RTN4IP1: variants seen among roughly 807,000 people sequenced by gnomAD.
The protein encoded by RTN4IP1 is NAD(P)H oxidoreductase RTN4IP1, mitochondrial.
A neutral mutation model predicts 46.6 loss-of-function variants in RTN4IP1; 32 were observed. That is an observed-to-expected ratio of 0.69 (90% confidence interval 0.52 to 0.92). The LOEUF is 0.92. RTN4IP1 is among the 40% of genes least tolerant of loss of function. The probability of loss-of-function intolerance (pLI) is 0.00; values close to 1 mark genes in which losing one functional copy is unlikely to be tolerated. For missense variants in RTN4IP1, 424 were observed against 485.8 expected (o/e 0.87, Z 1.20); for synonymous variants, 167 against 161.8 (o/e 1.03, Z -0.24).
chr6:106,592,332 A>G, intron 5 of RTN4IP1, 32 bp from the exon 6 acceptor site: 1 of 1,603,852 alleles, frequency 6.2e-7, no homozygotes, highest in South Asian at 1.1e-5. Flanking sequence ...AAAAGAATAA[A>G]AAAGGGAGAG....
intron 4 of RTN4IP1, among the ~76,000 whole-genome samples, chr6:106,618,550 T>C (rs545343873): frequency 6.6e-6 from 1 of 152,254 alleles, no homozygotes; most frequent in East Asian, 1.9e-4. Context: ...AAAACAAAAC[T>C]CATTAAAAAG....
At chr6:106,624,615 C>T (rs1340998002) in intron 1 of RTN4IP1, among the ~76,000 whole-genome samples, 5 of 151,070 alleles carry the variant, frequency 3.3e-5, no homozygotes, top group Admixed American at 2.6e-4. Flanking sequence ...GGATTACAGG[C>T]GTGAGCCACC....
intron 1 of RTN4IP1, among the ~76,000 whole-genome samples, chr6:106,625,347 G>A (rs1170030926): frequency 1.3e-5 from 2 of 152,088 alleles, no homozygotes; most frequent in East Asian, 3.9e-4. Flanking sequence ...AAGCAGCAAA[G>A]GAGACTAAGG....
At position 106,583,341 on chromosome 6, in the gene RTN4IP1, A is replaced by C; in HGVS notation, c.1070T>G (p.Val357Gly). The change falls in exon 8 of 9, where the codon GTG becomes GGG. Residue 357 changes from valine to glycine, a missense_variant. By Grantham distance (109) the Val-to-Gly change is moderately radical. Transcript: ENST00000369063. Reference sequence around the variant, plus strand: ...AGGTGCACGTACCTTTCCCGCATCCACCAGTTCTGCAATGTCATCTAAACA... The same window carrying C: ...AGGTGCACGTACCTTTCCCGCATCCCCCAGTTCTGCAATGTCATCTAAACA... ...GPCLDDIAELVDAGKIRPVIE... is the reference protein window; with the variant it reads ...GPCLDDIAELGDAGKIRPVIE... The C allele has an allele frequency of 6.2e-7, 1 of 1,613,494 alleles. No individual in the cohort carries two copies. Among genetic ancestry groups the C allele is most frequent in the Non-Finnish European group, 8.5e-7 (1 of 1,179,596 alleles).
chr6:106,629,742 C>G, upstream of RTN4IP1: 3 of 1,589,666 alleles, frequency 1.9e-6, no homozygotes, highest in Non-Finnish European at 2.6e-6. Context: ...CCCGGGAGGG[C>G]GGAAAGTTTA....
At chr6:106,588,392 C>A (rs771913865) in intron 6 of RTN4IP1, among the ~76,000 whole-genome samples, 2 of 152,200 alleles carry the variant, frequency 1.3e-5, no homozygotes, top group Non-Finnish European at 2.9e-5. Flanking sequence ...TGCTTTTATT[C>A]TCTTTACAGT....
chr6:106,595,906 T>C (rs939959177), intron 5 of RTN4IP1, among the ~76,000 whole-genome samples: 7 of 152,198 alleles, frequency 4.6e-5, no homozygotes, highest in Non-Finnish European at 8.8e-5. Flanking sequence ...AATGCTTAAC[T>C]GTTTTTCTTT....
At chr6:106,587,069 C>G (rs1775504666) in intron 7 of RTN4IP1, among the ~76,000 whole-genome samples, 3 of 152,192 alleles carry the variant, frequency 2.0e-5, no homozygotes, top group Non-Finnish European at 2.9e-5. Context: ...CAAGTTGATA[C>G]AATCCCAGCA....
chr6:106,574,931 G>A (rs1039428056), intron 8 of RTN4IP1, among the ~76,000 whole-genome samples: 21 of 152,130 alleles, frequency 1.4e-4, no homozygotes, highest in Non-Finnish European at 4.4e-5. Context: ...GGCTGACCAC[G>A]GCACAATGAG....
intron 8 of RTN4IP1, among the ~76,000 whole-genome samples, chr6:106,573,339 CT>C (rs1307337042): frequency 6.6e-6 from 1 of 152,194 alleles, no homozygotes; most frequent in Non-Finnish European, 1.5e-5. Flanking sequence ...TTACGCTTTC[CT>C]TTTACAAGAG....
At chr6:106,627,805 T>A (rs577921696) in intron 1 of RTN4IP1, among the ~76,000 whole-genome samples, 19 of 122,472 alleles carry the variant, frequency 1.6e-4, no homozygotes, top group African/African-American at 5.6e-4. Flanking sequence ...CAGGCTGGAG[T>A]GCAAGGGCGC....
At chr6:106,591,452 A>C (rs1202217718) in intron 6 of RTN4IP1, among the ~76,000 whole-genome samples, 1 of 152,164 alleles carries the variant, frequency 6.6e-6, no homozygotes, top group Non-Finnish European at 1.5e-5. Flanking sequence ...CTTTAAAAAT[A>C]TACTTCTACT....
rs1776723476 is a variant in RTN4IP1 at position 106,628,730 on chromosome 6, T to A, written c.274+18A>T. ...GTGATTTTTTTAAAAAAGGTAACAA[T>A]GTCTTTTGAAAACTTACTTCTCATA... On this transcript the variant is annotated intron_variant, in intron 1 of 8. Transcript: ENST00000369063. 2 of 1,588,110 alleles carry A rather than the reference T, an allele frequency of 1.3e-6. No homozygotes were observed. The highest frequency in any genetic ancestry group is 2.7e-5 in the African/African-American group (2 of 74,098).
At chr6:106,573,119 T>C (rs1775122375) in intron 8 of RTN4IP1, among the ~76,000 whole-genome samples, 1 of 152,230 alleles carries the variant, frequency 6.6e-6, no homozygotes, top group Admixed American at 6.5e-5. Context: ...CTGCTGGGTC[T>C]TTTCACTGTA....
upstream of RTN4IP1, chr6:106,629,616 T>G (rs1215653884): frequency 1.9e-6 from 3 of 1,556,034 alleles, no homozygotes; most frequent in African/African-American, 4.1e-5. Flanking sequence ...GTAACATCAC[T>G]AGCGACCGGT....
intron 8 of RTN4IP1, among the ~76,000 whole-genome samples, chr6:106,580,030 C>T (rs1179726568): frequency 6.6e-6 from 1 of 151,618 alleles, no homozygotes; most frequent in Non-Finnish European, 1.5e-5. Flanking sequence ...CTGGCTAACA[C>T]GGTGAAACCC....
chr6:106,617,925 GT>G (rs1281099939), intron 4 of RTN4IP1, among the ~76,000 whole-genome samples: 1 of 152,098 alleles, frequency 6.6e-6, no homozygotes, highest in Non-Finnish European at 1.5e-5. Context: ...CTTCAATAAG[GT>G]TTTTGCAAGG....
intron 5 of RTN4IP1, among the ~76,000 whole-genome samples, chr6:106,597,298 A>C (rs56664576): frequency 0.033 from 5,033 of 151,918 alleles, 271 homozygotes; most frequent in East Asian, 0.2. Context: ...CCATATATCA[A>C]TTTTCCTTGC....
At chr6:106,580,334 A>G (rs191076987) in intron 8 of RTN4IP1, among the ~76,000 whole-genome samples, 1 of 152,218 alleles carries the variant, frequency 6.6e-6, no homozygotes, top group Non-Finnish European at 1.5e-5. Flanking sequence ...ATAATGGGTA[A>G]GTAAAGAGAG....
Sources: gnomAD v4.1 joint callset for allele counts (sites outside exome capture counted in the v4.1 genomes callset) on GRCh38, gnomAD v4.1.1 for gene constraint, MANE v1.5 for transcripts, NCBI Gene and HGNC (gene_info 2026-07-23, HGNC 2026-07-21) for gene names.